The following ARSK variants were observed in gnomAD, a reference collection of about 807,000 sequenced individuals.
ARSK encodes the protein arylsulfatase family member K.
Under a neutral mutation model 53.2 loss-of-function variants are expected in ARSK, and 37 were observed. That is an observed-to-expected ratio of 0.70 (90% CI 0.54 to 0.92). The LOEUF (loss-of-function observed/expected upper bound fraction) is 0.92, where lower values mean the gene tolerates loss of function less well. Among genes scored for constraint, ARSK ranks in the 40% least tolerant of loss-of-function variants. ARSK has a pLI of 0.00. For missense variants in ARSK, 613 were observed against 643.0 expected, an observed-to-expected ratio of 0.95 and a Z score of 0.51; for synonymous variants, 208 against 223.2, an observed-to-expected ratio of 0.93 and a Z score of 0.61.
chr5:95,596,829 A>AT (rs894356508), intron 6 of ARSK, among the ~76,000 whole-genome samples: 10 of 152,126 alleles, frequency 6.6e-5, no homozygotes, highest in Admixed American at 5.9e-4. Context: ...TTTACAAGTC[A>AT]TTTTTTAAAA....
At position 95,583,021 on chromosome 5, in the gene ARSK, A is replaced by G. The variant is rs1171595488; in HGVS notation, c.522A>G (p.Glu174=). Residue 174 remains glutamate (E), a synonymous_variant, in exon 4 of 8, where the codon GAA becomes GAG. Transcript: ENST00000380009. The part of the protein sequence containing the change: ...IRNRTKVRVM[E]RDWQNTDKAV... ...ACAGGACTAAAGTCAGAGTGATGGA[A>G]AGGGATTGGCAGAATACAGACAAAG... 1 of 1,613,890 alleles carries G rather than the reference A, an allele frequency of 6.2e-7. No homozygotes were observed. The highest frequency in any genetic ancestry group is 1.7e-5 in the Admixed American group (1 of 60,016).
At chr5:95,579,997 A>G (rs190742297) in intron 3 of ARSK, among the ~76,000 whole-genome samples, 2 of 152,298 alleles carry the variant, frequency 1.3e-5, no homozygotes, top group African/African-American at 4.8e-5. Context: ...GCTCACTGAG[A>G]GTGTTTGAGA....
rs1033349920 is a variant in ARSK at position 95,569,005 on chromosome 5, G to T, written c.416+956G>T. On this transcript the variant is annotated intron_variant, in intron 3 of 7. Coordinates refer to ENST00000380009, the MANE Select transcript of ARSK (RefSeq NM_198150.3). ...CCTCTGAGACTCCAACCGGACACTT[G>T]TGCCTAGTTTCTTCTGGACTTTGCC... 2.0e-5 allele frequency among the ~76,000 whole-genome samples: 3 copies of T among 152,304 alleles called. No homozygotes were observed. The East Asian group carries it at 5.8e-4, about 29-fold the overall frequency.
At chr5:95,570,886 A>AT (rs1363593709) in intron 3 of ARSK, among the ~76,000 whole-genome samples, 1 of 151,516 alleles carries the variant, frequency 6.6e-6, no homozygotes, top group Non-Finnish European at 1.5e-5. Context: ...GGTTCCAGCG[A>AT]TTCTCCTGCC....
rs145301266 is a variant in ARSK, at chr5:95,589,667, C to G, written c.872-1734C>G. 8.5e-3 allele frequency among the ~76,000 whole-genome samples: 1,284 copies of G among 151,824 alleles called. 13 individuals are homozygous for G. The highest frequency in any genetic ancestry group is 0.029 in the African/African-American group (1,220 of 41,370). ...TGTAGATGTACCACATTTTCTTTAT[C>G]CAGTCTATTGTTGGTGGGCATTTGT... On this transcript the variant is annotated intron_variant, in intron 5 of 7. Coordinates refer to ENST00000380009, the MANE Select transcript of ARSK (RefSeq NM_198150.3).
rs1208331513 is a variant in ARSK at position 95,564,807 on chromosome 5, C to A, written c.127-1191C>A. 2.0e-5 allele frequency among the ~76,000 whole-genome samples: 3 copies of A among 152,226 alleles called. No homozygotes were observed. In the East Asian group the frequency reaches 5.8e-4, roughly 29 times the overall value. ...CTTTCTCAGTTTCCCATGCTGTTTC[C>A]CCTCTTATTTGGGACTCCTTATAGC... On this transcript the variant is annotated intron_variant, in intron 1 of 7. Coordinates refer to ENST00000380009, the MANE Select transcript of ARSK (RefSeq NM_198150.3).
At chr5:95,586,475 CATT>C (rs1749114482) in intron 4 of ARSK, 84 bp from the exon 5 acceptor site, 1 of 1,032,190 alleles carries the variant, frequency 9.7e-7, no homozygotes, top group South Asian at 1.4e-5. Flanking sequence ...AGTAATTAAA[CATT>C]GTTGATTTCA....
At position 95,597,904 on chromosome 5, in the gene ARSK, A is replaced by AAG. The variant is rs1479409515; in HGVS notation, c.1097-2943_1097-2942insAG. ...GTGATACTCTGCCTCAAAAAAAAAAAGTGGGGGGCGGGTAATAGTGGCTAT... is the reference window on the plus strand; with the variant it reads ...GTGATACTCTGCCTCAAAAAAAAAAAAGGTGGGGGGCGGGTAATAGTGGCTAT... On this transcript the variant is annotated intron_variant, in intron 6 of 7. Transcript: ENST00000380009. Among the ~76,000 whole-genome samples the AAG allele has an allele frequency of 2.0e-4, 28 of 136,674 alleles. 2 individuals carry two copies. The highest frequency in any genetic ancestry group is 5.2e-4 in the African/African-American group (19 of 36,468). 89.7% of individuals were successfully genotyped at this position (136,674 alleles called of 152,430 possible). A position where few individuals can be genotyped will look rare whatever the true frequency, so the allele number is the denominator to read the frequency against.
intron 2 of ARSK, among the ~76,000 whole-genome samples, chr5:95,566,627 G>T (rs565550757): frequency 1.3e-5 from 2 of 152,018 alleles, no homozygotes; most frequent in Non-Finnish European, 2.9e-5. Context: ...AAGTCAAATT[G>T]TTCACTTTTA....
intron 5 of ARSK, among the ~76,000 whole-genome samples, chr5:95,586,940 A>G (rs1281440437): frequency 6.6e-6 from 1 of 152,180 alleles, no homozygotes; most frequent in African/African-American, 2.4e-5. Flanking sequence ...AGATTCATAA[A>G]TGCTCAGATT....
intron 5 of ARSK, 28 bp downstream of exon 5, chr5:95,586,761 CATG>C: frequency 6.6e-7 from 1 of 1,525,238 alleles, no homozygotes; most frequent in South Asian, 1.3e-5. Flanking sequence ...TAAGCAATTA[CATG>C]AAGAAAAATT....
chr5:95,558,054 T>G lies in ARSK; in HGVS notation c.126+2650T>G, dbSNP rs531772259. 1.6e-3 allele frequency among the ~76,000 whole-genome samples: 240 copies of G among 152,294 alleles called. 3 individuals are homozygous for G. Among genetic ancestry groups the G allele is most frequent in the African/African-American group, 5.6e-3 (234 of 41,562 alleles). On this transcript the variant is annotated intron_variant, in intron 1 of 7. Coordinates refer to ENST00000380009, the MANE Select transcript of ARSK (RefSeq NM_198150.3). ...GCCAAGAAGATAGGACTACTCCCCC[T>G]CGGCTCCCAATCACCAGTTATGGTA...
chr5:95,581,592 G>A (rs1053423937), intron 3 of ARSK, among the ~76,000 whole-genome samples: 2 of 152,150 alleles, frequency 1.3e-5, no homozygotes, highest in African/African-American at 4.8e-5. Flanking sequence ...TGAAAAGAAA[G>A]TACTTTGGTT....
At position 95,555,515 on chromosome 5, in the gene ARSK, T is replaced by A; in HGVS notation, c.126+111T>A. The A allele has an allele frequency of 8.6e-7, 1 of 1,167,998 alleles. No individual in the cohort carries two copies. The highest frequency in any genetic ancestry group is 1.2e-6 in the Non-Finnish European group (1 of 865,944). The allele number at this position is 1,167,998 out of a possible 1,614,324, so 72.4% of individuals were successfully genotyped here. Reference sequence around the variant, plus strand: ...AGAACCTGAGACATTTTCAAACACCTTTTACCCCGATGCAAAGAAAGAAAT... The same window carrying A: ...AGAACCTGAGACATTTTCAAACACCATTTACCCCGATGCAAAGAAAGAAAT... On this transcript the variant is annotated intron_variant, in intron 1 of 7. Coordinates refer to ENST00000380009, the MANE Select transcript of ARSK (RefSeq NM_198150.3). This position sits in a 1 kb window ranked among gnomAD's most constrained non-coding sequence, Gnocchi z 4.0.
intron 3 of ARSK, among the ~76,000 whole-genome samples, chr5:95,571,551 T>C (rs1270879597): frequency 6.6e-6 from 1 of 152,254 alleles, no homozygotes; most frequent in Non-Finnish European, 1.5e-5. Context: ...TTTTTAACTG[T>C]TTAAAATTCT....
chr5:95,562,505 G>T (rs1312329225), intron 1 of ARSK, among the ~76,000 whole-genome samples: 1 of 152,132 alleles, frequency 6.6e-6, no homozygotes, highest in Non-Finnish European at 1.5e-5. Context: ...TAAAGTTGCT[G>T]TTACATTCTT....
chr5:95,574,592 A>G (rs188616773), intron 3 of ARSK, among the ~76,000 whole-genome samples: 22 of 152,266 alleles, frequency 1.4e-4, no homozygotes, highest in East Asian at 1.4e-3. Context: ...CTAATGATCA[A>G]TGTTGCTGAG....
chr5:95,567,747 G>C (rs1341633338), intron 2 of ARSK, 143 bp from the exon 3 acceptor site: 2 of 677,218 alleles, frequency 3.0e-6, no homozygotes, highest in Non-Finnish European at 4.7e-6. Flanking sequence ...AATCAGAAAT[G>C]TTTGGTAAGG....
chr5:95,601,335 T>A (rs753818853), intron 7 of ARSK, among the ~76,000 whole-genome samples: 12 of 152,220 alleles, frequency 7.9e-5, no homozygotes, highest in Non-Finnish European at 1.8e-4. Context: ...CTTTCAGTAC[T>A]CATGGTTATC....
Sources: gnomAD v4.1 joint callset for allele counts (sites outside exome capture counted in the v4.1 genomes callset) on GRCh38, gnomAD v4.1.1 for gene constraint, Gnocchi (gnomAD v3.1) non-coding constraint, MANE v1.5 for transcripts, NCBI Gene and HGNC (gene_info 2026-07-23, HGNC 2026-07-21) for gene names.